The following STOX1 variants were observed in gnomAD, a reference collection of about 807,000 sequenced individuals.
STOX1 encodes storkhead-box protein 1.
In STOX1, 57 loss-of-function variants were observed where a neutral mutation model predicts 74.8. The observed-to-expected ratio is 0.76, with a 90% CI of 0.62 to 0.95. STOX1 has a LOEUF of 0.95. STOX1 is among the 40% of genes least tolerant of loss of function. STOX1 has a pLI of 0.00. For missense variants in STOX1, 1,010 were observed against 1,117.0 expected (o/e 0.90, Z 1.37); for synonymous variants, 375 against 401.3 (o/e 0.93, Z 0.78).
chr10:68,849,908 T>TA (rs1198013922), intron 1 of STOX1, among the ~76,000 whole-genome samples: 2 of 152,228 alleles, frequency 1.3e-5, no homozygotes, highest in Non-Finnish European at 2.9e-5. Context: ...CTAAGAAAGA[T>TA]ACGGCTTGCC....
At chr10:68,833,369 C>G (rs1028711193) in intron 1 of STOX1, among the ~76,000 whole-genome samples, 1 of 151,998 alleles carries the variant, frequency 6.6e-6, no homozygotes, top group Non-Finnish European at 1.5e-5. Flanking sequence ...TGTAGCAGGA[C>G]AAGCCGTAGA....
At chr10:68,860,917 A>T (rs905459339) in intron 1 of STOX1, among the ~76,000 whole-genome samples, 4 of 152,010 alleles carry the variant, frequency 2.6e-5, no homozygotes, top group African/African-American at 9.7e-5. Context: ...GGAAAAGAAA[A>T]GTCAGGATTG....
In STOX1 at chr10:68,885,313, C is replaced by T. The variant is rs773372189; in HGVS notation, c.1517C>T (p.Thr506Ile). The change falls in exon 3 of 4, where the codon ACA becomes ATA. Residue 506 changes from threonine (T) to isoleucine (I), a missense_variant. Coordinates refer to ENST00000298596, the MANE Select transcript of STOX1 (RefSeq NM_152709.5). ...CAGGGTTTGTCTCACCGAGGAAGCA[C>T]AATATCCAAAGGGCACAAAATTCAG... ...PFQGLSHRGS[T>I]ISKGHKIQKT... The T allele has an allele frequency of 6.2e-7, 1 of 1,614,164 alleles. No homozygotes were observed. The highest frequency in any genetic ancestry group is 8.5e-7 in the Non-Finnish European group (1 of 1,180,036).
chr10:68,860,508 T>G (rs1218516936), intron 1 of STOX1, among the ~76,000 whole-genome samples: 3 of 146,424 alleles, frequency 2.0e-5, no homozygotes, highest in Non-Finnish European at 4.5e-5. Context: ...AGGCAGAGGT[T>G]GTAGTGAGCT....
At chr10:68,891,783 C>T (rs1235534693) in intron 3 of STOX1, among the ~76,000 whole-genome samples, 1 of 150,108 alleles carries the variant, frequency 6.7e-6, no homozygotes, top group Non-Finnish European at 1.5e-5. Flanking sequence ...GCCTGGGCAA[C>T]AGAGTGAGAC....
chr10:68,858,348 G>A (rs1840178731), intron 1 of STOX1, among the ~76,000 whole-genome samples: 1 of 152,072 alleles, frequency 6.6e-6, no homozygotes, highest in Non-Finnish European at 1.5e-5. Flanking sequence ...CTAAGGCAAT[G>A]GCCTTGTGAA....
At position 68,847,392 on chromosome 10, in the gene STOX1, T is replaced by C. The variant is rs149008297; in HGVS notation, c.310+19459T>C. 2.0e-3 allele frequency among the ~76,000 whole-genome samples: 276 copies of C among 136,554 alleles called. 3 individuals carry two copies. Among genetic ancestry groups the C allele is most frequent in the African/African-American group, 6.9e-3 (262 of 37,714 alleles). The allele number at this position is 136,554 out of a possible 152,430, so 89.6% of individuals were successfully genotyped here. On this transcript the variant is annotated intron_variant, in intron 1 of 3. Transcript: ENST00000298596. ...GTTGGGTCACGGGTGGATTTGGGGA[T>C]TGGAAGGTAGAAGGTTTTGTTTTGT...
At chr10:68,845,431 G>A (rs1181608476) in intron 1 of STOX1, among the ~76,000 whole-genome samples, 2 of 151,098 alleles carry the variant, frequency 1.3e-5, no homozygotes, top group Non-Finnish European at 2.9e-5. Flanking sequence ...CTGCCACCAT[G>A]CCCGGCTAAT....
At chr10:68,875,500 G>A (rs530935299) in intron 1 of STOX1, among the ~76,000 whole-genome samples, 2 of 152,214 alleles carry the variant, frequency 1.3e-5, no homozygotes, top group African/African-American at 4.8e-5. Flanking sequence ...CTACATTGGG[G>A]TATGAGTATT....
intron 1 of STOX1, among the ~76,000 whole-genome samples, chr10:68,840,669 T>C (rs1839670712): frequency 6.6e-6 from 1 of 152,168 alleles, no homozygotes; most frequent in Admixed American, 6.5e-5. Context: ...CAAGCGATTC[T>C]CATGCTTCAG....
intron 1 of STOX1, among the ~76,000 whole-genome samples, chr10:68,858,666 C>A (rs17470053): frequency 0.093 from 14,073 of 152,048 alleles, 848 homozygotes; most frequent in Admixed American, 0.16. Context: ...CAGATTGGGA[C>A]ACGAGCGGTT....
intron 1 of STOX1, among the ~76,000 whole-genome samples, chr10:68,871,834 G>T (rs1840542578): frequency 6.6e-6 from 1 of 152,160 alleles, no homozygotes; most frequent in Non-Finnish European, 1.5e-5. Context: ...AGCCATCAAA[G>T]ATTTGCACAG....
intron 1 of STOX1, among the ~76,000 whole-genome samples, chr10:68,845,374 C>T (rs541824042): frequency 3.1e-4 from 46 of 147,172 alleles, no homozygotes; most frequent in African/African-American, 8.8e-4. Context: ...CCCAGGTTCA[C>T]GCCATTCTCC....
rs1291084674 is a variant in STOX1, at chr10:68,886,119, AT to A, written c.2325del (p.Ile775MetfsTer5). ...QGNHLGKQKV[I>X]ERSLTEYNST... ...AAATCATTTAGGAAAACAAAAAGTG[AT>A]TGAGAGATCTCTGACCGAGTACAAC... On this transcript the variant is annotated frameshift_variant, in exon 3 of 4. Transcript: ENST00000298596. LOFTEE classifies it high-confidence loss of function. The A allele has an allele frequency of 6.2e-7, 1 of 1,614,080 alleles. No individual in the cohort carries two copies. Among genetic ancestry groups the A allele is most frequent in the African/African-American group, 1.3e-5 (1 of 74,924 alleles).
chr10:68,828,880 C>T (rs1011635915), intron 1 of STOX1: 25 of 672,486 alleles, frequency 3.7e-5, no homozygotes, highest in East Asian at 1.4e-4. Context: ...TCAAACTTAA[C>T]TGTTTGTTAG....
chr10:68,830,248 G>A (rs1391896405), intron 1 of STOX1, among the ~76,000 whole-genome samples: 1 of 152,130 alleles, frequency 6.6e-6, no homozygotes, highest in African/African-American at 2.4e-5. Context: ...CCATCTGTGG[G>A]GTGTGCAACG....
chr10:68,853,671 C>CT (rs1840045670), intron 1 of STOX1, among the ~76,000 whole-genome samples: 2 of 151,732 alleles, frequency 1.3e-5, no homozygotes, highest in African/African-American at 4.9e-5. Context: ...TCTTACCTTT[C>CT]ATTTTTTTTT....
intron 1 of STOX1, among the ~76,000 whole-genome samples, chr10:68,851,299 T>TAAAAAAAAAAA (rs35166698): frequency 9.2e-6 from 1 of 108,636 alleles, no homozygotes. Context: ...TGAGACTTTC[T>TAAAAAAAAAAA]AAAAAAAAAA....
intron 1 of STOX1, among the ~76,000 whole-genome samples, chr10:68,864,161 T>C (rs1028743398): frequency 5.3e-5 from 8 of 152,080 alleles, no homozygotes; most frequent in Admixed American, 1.3e-4. Flanking sequence ...CCTGACCTCG[T>C]GATCCGCCCG....
Sources: allele counts gnomAD v4.1 joint callset (sites outside exome capture counted in the v4.1 genomes callset), GRCh38; gene constraint gnomAD v4.1.1; transcripts MANE v1.5; gene names NCBI Gene and HGNC (gene_info 2026-07-23, HGNC 2026-07-21).